Variants in CFAP161 observed in about 807,000 individuals in gnomAD.
CFAP161 encodes the protein cilia and flagella associated protein 161, also known as cilia- and flagella-associated protein 161.
A neutral mutation model predicts 29.0 loss-of-function variants in CFAP161; 25 were observed. The ratio of observed to expected loss-of-function variants is 0.86; its 90% CI spans 0.63 to 1.20. The LOEUF is 1.20. CFAP161 is among the 50% of genes most tolerant of loss of function. The pLI, the probability that CFAP161 is intolerant of heterozygous loss-of-function variation, is 0.00. For missense variants in CFAP161, 367 were observed against 371.9 expected (o/e 0.99, Z 0.11); for synonymous variants, 116 against 137.4 (o/e 0.84, Z 1.09).
upstream of CFAP161, among the ~76,000 whole-genome samples, chr15:81,131,942 G>T (rs1894717066): frequency 6.6e-6 from 1 of 152,162 alleles, no homozygotes; most frequent in South Asian, 2.1e-4. Flanking sequence ...TATGTGTAAG[G>T]GAAGCAAAAT....
chr15:81,143,240 G>T (rs1196111199), intron 4 of CFAP161, among the ~76,000 whole-genome samples: 3 of 152,198 alleles, frequency 2.0e-5, no homozygotes, highest in Non-Finnish European at 4.4e-5. Context: ...TTGAGCCCAG[G>T]AGTTGGAGGC....
intron 1 of CFAP161, among the ~76,000 whole-genome samples, chr15:81,115,520 G>C (rs1369201966): frequency 6.6e-6 from 1 of 152,118 alleles, no homozygotes; most frequent in Admixed American, 6.5e-5. Context: ...GCTCAATTTT[G>C]CAATTATGTC....
intron 5 of CFAP161, among the ~76,000 whole-genome samples, chr15:81,147,443 G>A (rs572465863): frequency 5.9e-5 from 9 of 152,118 alleles, no homozygotes; most frequent in Admixed American, 2.0e-4. Flanking sequence ...ATTGAGACTC[G>A]CCTCAATAAT....
chr15:81,133,201 ATATATATATATATATATATATATG>A (rs1321900667), upstream of CFAP161, among the ~76,000 whole-genome samples: 44 of 58,688 alleles, frequency 7.5e-4, 2 homozygotes, highest in East Asian at 8.9e-3. Context: ...ATATATATAT[ATATATATATATATATATATATATG>A]TATTTTTTTT....
intron 4 of CFAP161, among the ~76,000 whole-genome samples, chr15:81,143,354 C>T (rs1206719688): frequency 6.6e-6 from 1 of 152,090 alleles, no homozygotes; most frequent in Non-Finnish European, 1.5e-5. Flanking sequence ...TGGTCCAGTT[C>T]CTATATCCTG....
intron 2 of CFAP161, among the ~76,000 whole-genome samples, chr15:81,136,009 A>G (rs904157622): frequency 3.9e-5 from 6 of 152,242 alleles, no homozygotes; most frequent in Non-Finnish European, 7.3e-5. Context: ...TTAAATTCAG[A>G]CATTGTTTTC....
intron 1 of CFAP161, among the ~76,000 whole-genome samples, chr15:81,125,353 T>C (rs993102411): frequency 6.6e-6 from 1 of 152,170 alleles, no homozygotes; most frequent in Non-Finnish European, 1.5e-5. Context: ...TATCAGAAGA[T>C]ACATCTGTTT....
intron 1 of CFAP161, 79 bp downstream of exon 1, chr15:81,134,477 AG>A (rs1240847633): frequency 1.3e-5 from 18 of 1,418,194 alleles, no homozygotes; most frequent in African/African-American, 2.8e-5. Flanking sequence ...TCCTACTTTG[AG>A]CGCCTCAAGC....
At chr15:81,137,352 T>A (rs577081967) in intron 3 of CFAP161, among the ~76,000 whole-genome samples, 1 of 152,178 alleles carries the variant, frequency 6.6e-6, no homozygotes, top group Non-Finnish European at 1.5e-5. Flanking sequence ...CCCAATACTT[T>A]GGGAAGTCAA....
chr15:81,147,085 C>T (rs891151608), intron 5 of CFAP161, among the ~76,000 whole-genome samples: 2 of 151,558 alleles, frequency 1.3e-5, no homozygotes, highest in Admixed American at 1.3e-4. Context: ...GCTCCCTCTG[C>T]CCTGTGTTTA....
chr15:81,133,229 T>TATATATA (rs1567156514), upstream of CFAP161, among the ~76,000 whole-genome samples: 6 of 90,508 alleles, frequency 6.6e-5, no homozygotes, highest in Non-Finnish European at 1.3e-4. Flanking sequence ...ATATATGTAT[T>TATATATA]TTTTTTTAAA....
chr15:81,148,610 C>A lies in CFAP161; in HGVS notation c.*77C>A. On this transcript the variant is annotated 3_prime_UTR_variant, in exon 7 of 7. Transcript: ENST00000286732. ...TTTAAAAGAAATTAACAACCTTGGT[C>A]ATGCCTCAAGCTATTTTTGAATCAG... is the stretch of plus-strand genomic sequence containing the variant. 7.1e-7 allele frequency: 1 copy of A among 1,404,968 alleles called. No homozygotes were observed. Among genetic ancestry groups the A allele is most frequent in the South Asian group, 1.4e-5 (1 of 70,360 alleles). The allele number at this position is 1,404,968 out of a possible 1,614,324, so 87.0% of individuals were successfully genotyped here. A position where few individuals can be genotyped will look rare whatever the true frequency, so the allele number is the denominator to read the frequency against.
intron 1 of CFAP161, among the ~76,000 whole-genome samples, chr15:81,108,497 G>A (rs1285989449): frequency 1.3e-5 from 2 of 152,136 alleles, no homozygotes; most frequent in Non-Finnish European, 2.9e-5. Flanking sequence ...TTCCTCCTGA[G>A]GGGCTTGTGG....
In CFAP161 at chr15:81,134,389, C is replaced by T; in HGVS notation, c.60C>T (p.Tyr20=). ...TAGGCAACTGGAATGAGGATGTCTA[C>T]CTGGAGGAGGTACGCAGGGTGTGGC... ...VRIGNWNEDV[Y]LEEELMKDFL... The change falls in exon 1 of 7, where the codon TAC becomes TAT. Residue 20 remains tyrosine (Y), a synonymous_variant. Transcript: ENST00000286732. 6.3e-7 allele frequency: 1 copy of T among 1,585,360 alleles called. No homozygotes were observed. Among genetic ancestry groups the T allele is most frequent in the Non-Finnish European group, 8.6e-7 (1 of 1,166,598 alleles).
intron 1 of CFAP161, among the ~76,000 whole-genome samples, chr15:81,110,513 A>G (rs1894426747): frequency 6.6e-6 from 1 of 152,126 alleles, no homozygotes; most frequent in Admixed American, 6.5e-5. Flanking sequence ...TGGAGAATGC[A>G]TCACCACAGA....
At position 81,108,366 on chromosome 15, in the gene CFAP161, A is replaced by C. The variant is rs528523651; in HGVS notation, c.-141-19224A>C. Among the ~76,000 whole-genome samples the C allele has an allele frequency of 1.4e-3, 209 of 151,814 alleles. 1 individual carries two copies. The highest frequency in any genetic ancestry group is 4.8e-3 in the African/African-American group (199 of 41,338). The stretch of plus-strand genomic sequence containing the variant: ...TTTTTTTTTTTTCCCAACCAGCAAC[A>C]GGAGATGAATGGGTCAATGAGAATC... On this transcript the variant is annotated intron_variant, in intron 1 of 4. Transcript: ENST00000560091.
rs1043785662 is a variant in CFAP161, at chr15:81,134,496, C to T, written c.69+98C>T. 10 of 1,224,370 alleles carry T rather than the reference C, an allele frequency of 8.2e-6. No homozygotes were observed. In the East Asian group the frequency reaches 2.3e-4, roughly 28 times the overall value. The allele number at this position is 1,224,370 out of a possible 1,614,324, so 75.8% of individuals were successfully genotyped here. On this transcript the variant is annotated intron_variant, in intron 1 of 6. Transcript: ENST00000286732. The stretch of plus-strand genomic sequence containing the variant: ...ACTTTGAGCGCCTCAAGCCTCCTCT[C>T]TCTCCCAGCATACAGCGAATACCTC...
intron 5 of CFAP161, among the ~76,000 whole-genome samples, chr15:81,146,285 A>C (rs757449150): frequency 1.3e-5 from 2 of 152,146 alleles, no homozygotes; most frequent in Non-Finnish European, 2.9e-5. Context: ...ATGAGTCAGG[A>C]TTTTGAAATA....
intron 4 of CFAP161, among the ~76,000 whole-genome samples, chr15:81,143,047 TCACACCTATAAACCCAG>T (rs1894939468): frequency 6.6e-6 from 1 of 152,214 alleles, no homozygotes; most frequent in African/African-American, 2.4e-5. Flanking sequence ...GCATGGTCGT[TCACACCTATAAACCCAG>T]CACTTTGGGA....
Sources: allele counts gnomAD v4.1 joint callset (sites outside exome capture counted in the v4.1 genomes callset), GRCh38; gene constraint gnomAD v4.1.1; transcripts MANE v1.5; gene names NCBI Gene and HGNC (gene_info 2026-07-23, HGNC 2026-07-21).